APPL1: variants seen among roughly 807,000 people sequenced by gnomAD.
APPL1 encodes adaptor protein, phosphotyrosine interacting with PH domain and leucine zipper 1.
A neutral mutation model predicts 106.8 loss-of-function variants in APPL1; 42 were observed. The ratio of observed to expected loss-of-function variants is 0.39; its 90% CI spans 0.31 to 0.51. The LOEUF (loss-of-function observed/expected upper bound fraction) is 0.51, where lower values mean the gene tolerates loss of function less well. APPL1 is among the 20% of genes least tolerant of loss of function. The pLI is 0.75. For missense variants in APPL1, 769 were observed against 858.2 expected (o/e 0.90, Z 1.30); for synonymous variants, 263 against 281.8 (o/e 0.93, Z 0.67).
At chr3:57,239,570 A>G (rs1011897228) in intron 4 of APPL1, among the ~76,000 whole-genome samples, 1 of 151,780 alleles carries the variant, frequency 6.6e-6, no homozygotes, top group African/African-American at 2.4e-5. Context: ...GTCATTGTTT[A>G]TTTGTGTTGT....
At chr3:57,257,158 A>G (rs1424016074) in intron 14 of APPL1, 88 bp from the exon 15 acceptor site, 1 of 1,555,002 alleles carries the variant, frequency 6.4e-7, no homozygotes, top group Non-Finnish European at 8.8e-7. Context: ...TTGACTTATA[A>G]TATTGTGTTT....
chr3:57,248,393 A>G (rs373052770), intron 10 of APPL1, 42 bp downstream of exon 10: 7 of 1,562,932 alleles, frequency 4.5e-6, no homozygotes, highest in Non-Finnish European at 6.1e-6. Context: ...TGTATCATGT[A>G]AGACAATACC....
intron 4 of APPL1, among the ~76,000 whole-genome samples, chr3:57,238,758 A>AT (rs2107598578): frequency 6.6e-6 from 1 of 152,336 alleles, no homozygotes; most frequent in South Asian, 2.1e-4. Context: ...TAAAGAAATA[A>AT]TGTAATTTTT....
At chr3:57,230,183 A>G (rs1341209182) in intron 1 of APPL1, among the ~76,000 whole-genome samples, 1 of 152,228 alleles carries the variant, frequency 6.6e-6, no homozygotes, top group Non-Finnish European at 1.5e-5. Flanking sequence ...GGCAGAATGC[A>G]AAGCCTTGGA....
rs1417050544 is a variant in APPL1, at chr3:57,270,709, T to C, written c.*1022T>C. The C allele has an allele frequency of 2.0e-5, 3 of 152,612 alleles. No individual in the cohort carries two copies. Among genetic ancestry groups the C allele is most frequent in the Non-Finnish European group, 2.9e-5 (2 of 68,038 alleles). 9.5% of individuals were successfully genotyped at this position (152,612 alleles called of 1,614,324 possible). ...TTCATAATGCCATGTTTTGATAAAG[T>C]ACTGAATCACCACTTTATATCCACA... On this transcript the variant is annotated 3_prime_UTR_variant, in exon 22 of 22. Transcript: ENST00000288266.
Position 57,259,883 on chromosome 3 carries a change from G to A in APPL1, c.1522G>A (p.Gly508Ser). ...LHQLFIVRFL[G>S]SMEVKSDDHP... ...TCAGTTATTTATTGTCCGATTCCTT[G>A]GTTCAATGGAGGTGAAATCAGATGA... Residue 508 changes from glycine to serine, a missense_variant, in exon 17 of 22, where the codon GGT (glycine) becomes AGT (serine). Coordinates refer to ENST00000288266, the MANE Select transcript of APPL1 (RefSeq NM_012096.3). The A allele has an allele frequency of 6.2e-7, 1 of 1,609,490 alleles. No homozygotes were observed. The highest frequency in any genetic ancestry group is 8.5e-7 in the Non-Finnish European group (1 of 1,178,852).
At chr3:57,260,212 C>A in intron 18 of APPL1, 59 bp downstream of exon 18, 3 of 1,489,956 alleles carry the variant, frequency 2.0e-6, no homozygotes, top group South Asian at 2.4e-5. Flanking sequence ...ACACATCTTA[C>A]AACTTGATAA....
intron 12 of APPL1, among the ~76,000 whole-genome samples, chr3:57,252,875 T>G (rs2060812334): frequency 6.6e-6 from 1 of 152,238 alleles, no homozygotes; most frequent in South Asian, 2.1e-4. Context: ...TGAGAAACAT[T>G]CTTCCATGAA....
Position 57,267,666 on chromosome 3 carries a change from T to C in APPL1, c.1843-76T>C, listed in dbSNP as rs2060901979. The C allele has an allele frequency of 4.9e-6, 6 of 1,225,972 alleles. No individual in the cohort carries two copies. In the Admixed American group the frequency reaches 1.0e-4, roughly 21 times the overall value. The allele number at this position is 1,225,972 out of a possible 1,614,324, so 75.9% of individuals were successfully genotyped here. A position where few individuals can be genotyped will look rare whatever the true frequency, so the allele number is the denominator to read the frequency against. On this transcript the variant is annotated intron_variant, in intron 19 of 21. Transcript: ENST00000288266. Reference sequence around the variant, plus strand: ...AGGATTAGTTATAAAACTAGTTCCATCAGTTATTTGGATACTTGACATTTT... The same window carrying C: ...AGGATTAGTTATAAAACTAGTTCCACCAGTTATTTGGATACTTGACATTTT...
chr3:57,247,259 G>A (rs2060778937), intron 8 of APPL1, 136 bp from the exon 9 acceptor site: 2 of 562,608 alleles, frequency 3.6e-6, no homozygotes, highest in Non-Finnish European at 6.3e-6. Flanking sequence ...AAACTACAAT[G>A]TATTTTTACA....
chr3:57,233,092 A>T (rs911980991), intron 1 of APPL1, among the ~76,000 whole-genome samples: 2 of 152,152 alleles, frequency 1.3e-5, no homozygotes, highest in Non-Finnish European at 2.9e-5. Flanking sequence ...TATGATGCTT[A>T]TATTTGTTAT....
intron 11 of APPL1, among the ~76,000 whole-genome samples, chr3:57,249,903 G>A (rs2060794117): frequency 6.6e-6 from 1 of 152,190 alleles, no homozygotes; most frequent in East Asian, 1.9e-4. Flanking sequence ...CTTACTGTGT[G>A]GTCTCAGACA....
intron 10 of APPL1, 87 bp from the exon 11 acceptor site, chr3:57,249,273 A>C (rs2060790735): frequency 7.0e-7 from 1 of 1,423,768 alleles, no homozygotes; most frequent in African/African-American, 1.4e-5. Flanking sequence ...AAGCCAGTTC[A>C]TTGTAACATG....
intron 19 of APPL1, among the ~76,000 whole-genome samples, chr3:57,263,972 C>T (rs1225978792): frequency 6.6e-6 from 1 of 152,146 alleles, no homozygotes; most frequent in Non-Finnish European, 1.5e-5. Context: ...CCAGACTTTT[C>T]TCCATAGTGG....
chr3:57,232,077 C>G (rs926867523), intron 1 of APPL1, among the ~76,000 whole-genome samples: 1 of 152,102 alleles, frequency 6.6e-6, no homozygotes, highest in Non-Finnish European at 1.5e-5. Flanking sequence ...ATAGTAGATG[C>G]CTTGTCCATA....
At chr3:57,243,922 G>A (rs531918516) in intron 7 of APPL1, among the ~76,000 whole-genome samples, 5 of 152,098 alleles carry the variant, frequency 3.3e-5, no homozygotes, top group Admixed American at 3.3e-4. Flanking sequence ...GGTACCTTGG[G>A]GGAACAACAT....
At chr3:57,265,011 T>A (rs886184737) in intron 19 of APPL1, among the ~76,000 whole-genome samples, 1 of 152,184 alleles carries the variant, frequency 6.6e-6, no homozygotes, top group Non-Finnish European at 1.5e-5. Flanking sequence ...TGATAGGGAT[T>A]GCATTGAATC....
chr3:57,243,043 C>T, intron 7 of APPL1, 129 bp downstream of exon 7: 1 of 663,898 alleles, frequency 1.5e-6, no homozygotes, highest in Non-Finnish European at 2.5e-6. Flanking sequence ...TTTATTCTTT[C>T]CTTCTAGCTG....
chr3:57,273,356 T>C lies in APPL1; in HGVS notation c.*3669T>C, dbSNP rs546981204. The C allele has an allele frequency of 1.3e-5, 2 of 152,764 alleles. No homozygotes were observed. The highest frequency in any genetic ancestry group is 4.1e-4 in the South Asian group (2 of 4,826). The allele number at this position is 152,764 out of a possible 1,614,324, so 9.5% of individuals were successfully genotyped here. A position where few individuals can be genotyped will look rare whatever the true frequency, so the allele number is the denominator to read the frequency against. On this transcript the variant is annotated 3_prime_UTR_variant, in exon 22 of 22. Coordinates refer to ENST00000288266, the MANE Select transcript of APPL1 (RefSeq NM_012096.3). Reference sequence around the variant, plus strand: ...GTATACATGTGGGGTGGAGAACTTATTTTTTCATTTTGTCACAATAGGTAT... The same window carrying C: ...GTATACATGTGGGGTGGAGAACTTACTTTTTCATTTTGTCACAATAGGTAT...
Sources: allele counts gnomAD v4.1 joint callset (sites outside exome capture counted in the v4.1 genomes callset), GRCh38; gene constraint gnomAD v4.1.1; transcripts MANE v1.5; gene names NCBI Gene and HGNC (gene_info 2026-07-23, HGNC 2026-07-21).